Variants in HIP1 observed in about 807,000 individuals in gnomAD.
HIP1 encodes the protein huntingtin interacting protein 1.
A neutral mutation model predicts 147.6 loss-of-function variants in HIP1; 65 were observed. The ratio of observed to expected loss-of-function variants is 0.44; its 90% CI spans 0.36 to 0.54. The LOEUF (loss-of-function observed/expected upper bound fraction) is 0.54, where lower values mean the gene tolerates loss of function less well. HIP1 is among the 20% of genes least tolerant of loss of function. HIP1 has a pLI of 0.00. For synonymous variants in HIP1, 479 were observed against 504.0 expected (o/e 0.95, Z 0.67); for missense variants, 1,061 against 1,299.6 (o/e 0.82, Z 2.82).
rs587709607 is a variant in HIP1 at position 75,555,072 on chromosome 7, A to G, written c.1963+344T>C. ...CGTGGTGTTGCGTGCCTGTAGTCCC[A>G]GCTACTTGGGAGAATGAGTGGGGAG... On this transcript the variant is annotated intron_variant, in intron 19 of 30. Coordinates refer to ENST00000336926, the MANE Select transcript of HIP1 (RefSeq NM_005338.7). Among the ~76,000 whole-genome samples, 15 of 151,262 alleles carry G rather than the reference A, an allele frequency of 9.9e-5. No individual in the cohort carries two copies. The East Asian group carries it at 2.7e-3, about 28-fold the overall frequency.
chr7:75,545,237 A>G, intron 25 of HIP1, 49 bp from the exon 26 acceptor site: 1 of 1,060,340 alleles, frequency 9.4e-7, no homozygotes. Flanking sequence ...AGCATGTACT[A>G]TATGGCAGGT....
chr7:75,562,646 A>G (rs903704114), intron 11 of HIP1, among the ~76,000 whole-genome samples: 1 of 152,034 alleles, frequency 6.6e-6, no homozygotes, highest in Non-Finnish European at 1.5e-5. Flanking sequence ...CTAATTTTGT[A>G]AAGATGGGGC....
chr7:75,573,834 C>T lies in HIP1; in HGVS notation c.672G>A (p.Pro224=), dbSNP rs782093444. The T allele has an allele frequency of 8.7e-6, 14 of 1,614,052 alleles. No homozygotes were observed. The highest frequency in any genetic ancestry group is 5.3e-5 in the African/African-American group (4 of 75,014). ...VTAAGQCRLA[P]LIQVILDCSH... ...TGCAGTCCAAGATGACCTGGATCAG[C>T]GGGGCGAGGCGGCACTGCCCTGCTG... Residue 224 remains proline, a synonymous_variant, in exon 8 of 31, where the codon CCG becomes CCA. Coordinates refer to ENST00000336926, the MANE Select transcript of HIP1 (RefSeq NM_005338.7).
chr7:75,713,794 G>A (rs1316631305), intron 1 of HIP1, among the ~76,000 whole-genome samples: 3 of 150,360 alleles, frequency 2.0e-5, no homozygotes, highest in African/African-American at 4.9e-5. Context: ...CCTGCCTCCC[G>A]GGTTCAAGCA....
chr7:75,598,419 T>A (rs1796839369), intron 2 of HIP1, among the ~76,000 whole-genome samples: 1 of 138,016 alleles, frequency 7.2e-6, no homozygotes, highest in Non-Finnish European at 1.6e-5. Context: ...AAAAAAAAAC[T>A]CTCTTTTTCT....
At chr7:75,727,486 T>C (rs1247373414) in intron 1 of HIP1, among the ~76,000 whole-genome samples, 2 of 152,046 alleles carry the variant, frequency 1.3e-5, no homozygotes, top group Non-Finnish European at 2.9e-5. Context: ...TTGATAATTA[T>C]GTGTGTTGCA....
In HIP1 at chr7:75,585,187, T is replaced by C. The variant is rs1210690121; in HGVS notation, c.465+1566A>G. On this transcript the variant is annotated intron_variant, in intron 5 of 30. Coordinates refer to ENST00000336926, the MANE Select transcript of HIP1 (RefSeq NM_005338.7). ...TTCAATCTCTACTCCCAAAACGTCT[T>C]TTTTTTTTTTTTTTTGAGATTGAGT... Among the ~76,000 whole-genome samples, 188 of 56,664 alleles carry C rather than the reference T, an allele frequency of 3.3e-3. No individual in the cohort carries two copies. In the African/African-American group the frequency reaches 0.037, roughly 11 times the overall value. The allele number at this position is 56,664 out of a possible 152,430, so 37.2% of individuals were successfully genotyped here.
intron 1 of HIP1, among the ~76,000 whole-genome samples, chr7:75,694,101 G>T (rs552572442): frequency 6.6e-6 from 1 of 151,836 alleles, no homozygotes; most frequent in South Asian, 2.1e-4. Context: ...TATATTTTTG[G>T]TAGAGACGGG....
chr7:75,613,452 T>C (rs1383359505), intron 1 of HIP1, among the ~76,000 whole-genome samples: 1 of 152,160 alleles, frequency 6.6e-6, no homozygotes, highest in African/African-American at 2.4e-5. Flanking sequence ...AGAGCCATTG[T>C]CACCAGATTA....
At chr7:75,665,105 T>A (rs544685613) in intron 1 of HIP1, among the ~76,000 whole-genome samples, 5 of 152,012 alleles carry the variant, frequency 3.3e-5, no homozygotes, top group East Asian at 3.9e-4. Flanking sequence ...ACAAAAAAAA[T>A]TTAAAAATTA....
chr7:75,601,603 TCAA>T (rs1175101945), intron 1 of HIP1, among the ~76,000 whole-genome samples: 2 of 127,486 alleles, frequency 1.6e-5, no homozygotes, highest in Admixed American at 8.0e-5. Context: ...AACAAAACTC[TCAA>T]CAACAACAAC....
intron 1 of HIP1, among the ~76,000 whole-genome samples, chr7:75,730,973 G>A (rs1389559807): frequency 6.6e-6 from 1 of 151,156 alleles, no homozygotes; most frequent in East Asian, 2.0e-4. Context: ...GGCCTCAAGT[G>A]ATCCGCCCGC....
intron 5 of HIP1, among the ~76,000 whole-genome samples, chr7:75,586,203 G>GTT (rs1414071139): frequency 2.8e-5 from 4 of 143,438 alleles, no homozygotes; most frequent in African/African-American, 7.7e-5. Flanking sequence ...TCTTTTTTTT[G>GTT]TTTTTTTTTT....
chr7:75,542,741 T>A, intron 28 of HIP1, 110 bp downstream of exon 28: 1 of 1,033,746 alleles, frequency 9.7e-7, no homozygotes, highest in Non-Finnish European at 1.4e-6. Context: ...AGATGAAAAA[T>A]ATGAAAGAAT....
At chr7:75,676,593 A>G (rs1554516055) in intron 1 of HIP1, among the ~76,000 whole-genome samples, 1 of 151,806 alleles carries the variant, frequency 6.6e-6, no homozygotes, top group East Asian at 1.9e-4. Flanking sequence ...CCTGGCCAAC[A>G]TGGTGAAACC....
chr7:75,697,430 A>T (rs1386321637), intron 1 of HIP1, among the ~76,000 whole-genome samples: 1 of 152,198 alleles, frequency 6.6e-6, no homozygotes, highest in African/African-American at 2.4e-5. Context: ...AAGAAAGAAA[A>T]GAAAAAAATT....
At chr7:75,561,651 G>A (rs1263791457) in intron 12 of HIP1, among the ~76,000 whole-genome samples, 4 of 151,896 alleles carry the variant, frequency 2.6e-5, no homozygotes, top group African/African-American at 4.8e-5. Flanking sequence ...GTGTGTTTTC[G>A]GTTTTGTTTT....
In HIP1 at chr7:75,650,551, C is replaced by T. The variant is rs541758962; in HGVS notation, c.121-51304G>A. ...CATTGAAACCTCTACCTCCTGGGTT[C>T]AAGGGATTTTCCTGTTTTAGCCTCC... On this transcript the variant is annotated intron_variant, in intron 1 of 30. Transcript: ENST00000336926. 2.0e-5 allele frequency among the ~76,000 whole-genome samples: 3 copies of T among 150,628 alleles called. No individual in the cohort carries two copies. The Admixed American group carries it at 2.0e-4, about 10-fold the overall frequency.
intron 1 of HIP1, among the ~76,000 whole-genome samples, chr7:75,688,168 T>C (rs1800327395): frequency 1.3e-5 from 2 of 152,264 alleles, no homozygotes; most frequent in Admixed American, 6.5e-5. Context: ...TCATCCTGGA[T>C]GCAACACAGC....
Sources: allele counts gnomAD v4.1 joint callset (sites outside exome capture counted in the v4.1 genomes callset), GRCh38; gene constraint gnomAD v4.1.1; transcripts MANE v1.5; gene names NCBI Gene and HGNC (gene_info 2026-07-23, HGNC 2026-07-21).